SLC13A2: variants seen among roughly 807,000 people sequenced by gnomAD.
The protein encoded by SLC13A2 is Na(+)-coupled citrate transporter.
In SLC13A2, 40 loss-of-function variants were observed where a neutral mutation model predicts 58.5. That is an observed-to-expected ratio of 0.68 (90% confidence interval 0.53 to 0.89). The LOEUF (loss-of-function observed/expected upper bound fraction) is 0.89, where lower values mean the gene tolerates loss of function less well. SLC13A2 is among the 40% of genes least tolerant of loss of function. SLC13A2 has a pLI of 0.00. For synonymous variants in SLC13A2, 341 were observed against 331.6 expected (o/e 1.03, Z -0.31); for missense variants, 694 against 772.6 (o/e 0.90, Z 1.21).
chr17:28,491,428 TG>T lies in SLC13A2; in HGVS notation c.575-8del. The T allele has an allele frequency of 6.2e-7, 1 of 1,613,194 alleles. No individual in the cohort carries two copies. The highest frequency in any genetic ancestry group is 8.5e-7 in the Non-Finnish European group (1 of 1,179,872). ...ACCTGCCCCCACCTGGGCTCTCCCTTGTTCCCAGATAATGGGCAGGCCCTCC... is the reference window on the plus strand; with the variant it reads ...ACCTGCCCCCACCTGGGCTCTCCCTTTTCCCAGATAATGGGCAGGCCCTCC... On this transcript the variant is annotated splice_region_variant and splice_polypyrimidine_tract_variant and intron_variant, in intron 4 of 11. Coordinates refer to ENST00000314669, the MANE Select transcript of SLC13A2 (RefSeq NM_003984.4).
rs991721316 is a variant in SLC13A2 at position 28,496,258 on chromosome 17, C to T, written c.1471-192C>T. Among the ~76,000 whole-genome samples, 1 of 152,204 alleles carries T rather than the reference C, an allele frequency of 6.6e-6. No homozygotes were observed. Among genetic ancestry groups the T allele is most frequent in the African/African-American group, 2.4e-5 (1 of 41,442 alleles). ...ACCCCACAAGGCAGGGCAGCACACT[C>T]ATTCCCTCCAGAGAGGTCAAGAGGC... On this transcript the variant is annotated intron_variant, in intron 10 of 11. Transcript: ENST00000314669. The surrounding 1 kb of genome is among the most constrained non-coding windows in gnomAD (Gnocchi z 4.2).
intron 1 of SLC13A2, among the ~76,000 whole-genome samples, chr17:28,474,098 G>A (rs1291545809): frequency 6.6e-6 from 1 of 152,146 alleles, no homozygotes; most frequent in African/African-American, 2.4e-5. Flanking sequence ...TGCAAGGGGG[G>A]CAGATGGAGC....
chr17:28,494,490 A>G lies in SLC13A2; in HGVS notation c.1286A>G (p.Tyr429Cys), dbSNP rs1468996455. The change falls in exon 9 of 12, where the codon TAT (tyrosine) becomes TGT (cysteine). Residue 429 changes from tyrosine (Y) to cysteine (C), a missense_variant. By Grantham distance (194) the Tyr-to-Cys change is radical. Coordinates refer to ENST00000314669, the MANE Select transcript of SLC13A2 (RefSeq NM_003984.4). This position sits in a 1 kb window ranked among gnomAD's most constrained non-coding sequence, Gnocchi z 4.0. ...ATCGTGTTATTGCTGGGTGGTGGCTATGCCCTGGCCAAGGGCAGTGAGGTG... is the reference window on the plus strand; with the variant it reads ...ATCGTGTTATTGCTGGGTGGTGGCTGTGCCCTGGCCAAGGGCAGTGAGGTG... ...WNIVLLLGGGYALAKGSERSG... is the reference protein window; with the variant it reads ...WNIVLLLGGGCALAKGSERSG... 7.4e-6 allele frequency: 12 copies of G among 1,613,800 alleles called. No homozygotes were observed. The highest frequency in any genetic ancestry group is 8.5e-6 in the Non-Finnish European group (10 of 1,179,926).
intron 2 of SLC13A2, among the ~76,000 whole-genome samples, chr17:28,490,078 A>G (rs2068972699): frequency 6.6e-6 from 1 of 152,216 alleles, no homozygotes; most frequent in African/African-American, 2.4e-5. Flanking sequence ...GTTCGAGACC[A>G]GCCTGGCCAG....
chr17:28,473,804 TC>T lies in SLC13A2; in HGVS notation c.96del (p.Ser33ValfsTer32). On this transcript the variant is annotated frameshift_variant, in exon 1 of 12. Coordinates refer to ENST00000314669, the MANE Select transcript of SLC13A2 (RefSeq NM_003984.4). LOFTEE classifies it high-confidence loss of function. ...PILLLPLPIL[V>X]PSKEAYCAYA... ...CTCCTGCTGCCTCTGCCCATCCTCG[TC>T]CCCAGTAAGGTAAGGACTTGGTGTT... The T allele has an allele frequency of 2.5e-6, 4 of 1,613,960 alleles. No individual in the cohort carries two copies. Among genetic ancestry groups the T allele is most frequent in the Non-Finnish European group, 2.5e-6 (3 of 1,179,934 alleles).
At chr17:28,493,178 G>T (rs1402744021) in intron 6 of SLC13A2, among the ~76,000 whole-genome samples, 2 of 152,162 alleles carry the variant, frequency 1.3e-5, no homozygotes, top group African/African-American at 4.8e-5. Context: ...TGGGGCTCAG[G>T]CTGGCAGGGG....
intron 1 of SLC13A2, among the ~76,000 whole-genome samples, chr17:28,484,267 A>G (rs2068838011): frequency 2.0e-5 from 3 of 152,296 alleles, no homozygotes; most frequent in East Asian, 3.9e-4. Context: ...AGTGTGAAAA[A>G]TGGGAACTAT....
chr17:28,473,879 G>A (rs782037560), intron 1 of SLC13A2, 65 bp downstream of exon 1: 145 of 1,412,524 alleles, frequency 1.0e-4, no homozygotes, highest in Middle Eastern at 3.5e-4. Flanking sequence ...TCTGGGCCGG[G>A]GTTGGGCATC....
rs782079090 is a variant in SLC13A2 at position 28,494,501 on chromosome 17, A to G, written c.1297A>G (p.Lys433Glu). The change falls in exon 9 of 12, where the codon AAG (lysine) becomes GAG (glutamate). Residue 433 changes from lysine to glutamate, a missense_variant. Lys to Glu is a moderately conservative substitution (Grantham distance 56). Transcript: ENST00000314669. The surrounding 1 kb of genome is among the most constrained non-coding windows in gnomAD (Gnocchi z 4.0). ...LLLGGGYALA[K>E]GSERSGLSEW... Reference sequence around the variant, plus strand: ...GCTGGGTGGTGGCTATGCCCTGGCCAAGGGCAGTGAGGTGAGAGGCCCCCA... The same window carrying G: ...GCTGGGTGGTGGCTATGCCCTGGCCGAGGGCAGTGAGGTGAGAGGCCCCCA... The G allele has an allele frequency of 1.2e-6, 2 of 1,613,826 alleles. No individual in the cohort carries two copies. Among genetic ancestry groups the G allele is most frequent in the Admixed American group, 1.7e-5 (1 of 59,988 alleles).
intron 1 of SLC13A2, among the ~76,000 whole-genome samples, chr17:28,480,173 G>C (rs372197072): frequency 6.7e-6 from 1 of 150,206 alleles, no homozygotes; most frequent in Non-Finnish European, 1.5e-5. Context: ...AAAAAGGGGG[G>C]GTCAAAAAAA....
chr17:28,489,462 C>A, intron 2 of SLC13A2, 120 bp downstream of exon 2: 1 of 1,203,604 alleles, frequency 8.3e-7, no homozygotes. Context: ...ATTAGGGGTT[C>A]CTGACTCTGC....
At chr17:28,489,842 C>T (rs1597883737) in intron 2 of SLC13A2, among the ~76,000 whole-genome samples, 1 of 152,228 alleles carries the variant, frequency 6.6e-6, no homozygotes, top group Non-Finnish European at 1.5e-5. Flanking sequence ...TTTTTAGAAA[C>T]CGCACTAAAG....
chr17:28,490,398 G>C, intron 2 of SLC13A2, 56 bp from the exon 3 acceptor site: 1 of 1,614,046 alleles, frequency 6.2e-7, no homozygotes, highest in Non-Finnish European at 8.5e-7. Context: ...AACCTCGGGG[G>C]CACCGTGGGA....
chr17:28,484,949 G>A (rs555310470), intron 1 of SLC13A2, among the ~76,000 whole-genome samples: 30 of 152,252 alleles, frequency 2.0e-4, no homozygotes, highest in Non-Finnish European at 3.2e-4. Context: ...CTTGGGGGTG[G>A]GGGTGACACC....
intron 1 of SLC13A2, among the ~76,000 whole-genome samples, chr17:28,475,818 C>G (rs2068661173): frequency 1.3e-5 from 2 of 152,154 alleles, no homozygotes; most frequent in Admixed American, 6.5e-5. Flanking sequence ...CTCTGAGGTT[C>G]CTTCTCCATC....
rs909827948 is a variant in SLC13A2, at chr17:28,494,978, G to A, written c.1308+466G>A. Among the ~76,000 whole-genome samples, 1 of 152,098 alleles carries A rather than the reference G, an allele frequency of 6.6e-6. No individual in the cohort carries two copies. Among genetic ancestry groups the A allele is most frequent in the Non-Finnish European group, 1.5e-5 (1 of 68,018 alleles). On this transcript the variant is annotated intron_variant, in intron 9 of 11. Coordinates refer to ENST00000314669, the MANE Select transcript of SLC13A2 (RefSeq NM_003984.4). The surrounding 1 kb of genome is among the most constrained non-coding windows in gnomAD (Gnocchi z 4.0). ...TCCAAAAGAGGGAAATCCCTGACACGGCATCCCTGGGCCTCCGTGTTCTGG... is the reference window on the plus strand; with the variant it reads ...TCCAAAAGAGGGAAATCCCTGACACAGCATCCCTGGGCCTCCGTGTTCTGG...
In SLC13A2 at chr17:28,491,441, T is replaced by G; in HGVS notation, c.579T>G (p.Asn193Lys). The G allele has an allele frequency of 6.2e-7, 1 of 1,613,428 alleles. No individual in the cohort carries two copies. Among genetic ancestry groups the G allele is most frequent in the Non-Finnish European group, 8.5e-7 (1 of 1,179,942 alleles). ...SPQKEVTKLD[N>K]GQALPVTSAS... ...TGGGCTCTCCCTTGTTCCCAGATAA[T>G]GGGCAGGCCCTCCCTGTCACGTCTG... The change falls in exon 5 of 12, where the codon AAT becomes AAG. Residue 193 changes from asparagine to lysine, a missense_variant. By Grantham distance (94) the Asn-to-Lys change is moderately conservative. Transcript: ENST00000314669.
chr17:28,492,179 C>T (rs1301808298), intron 6 of SLC13A2, among the ~76,000 whole-genome samples: 1 of 152,130 alleles, frequency 6.6e-6, no homozygotes, highest in Non-Finnish European at 1.5e-5. Flanking sequence ...ACACACTGAG[C>T]ATGGTTAGTT....
At position 28,490,757 on chromosome 17, in the gene SLC13A2, C is replaced by T. The variant is rs375817516; in HGVS notation, c.425C>T (p.Thr142Met). 13 of 1,614,050 alleles carry T rather than the reference C, an allele frequency of 8.1e-6. No homozygotes were observed. The highest frequency in any genetic ancestry group is 1.7e-5 in the Admixed American group (1 of 60,000). The change falls in exon 4 of 12, where the codon ACG (threonine) becomes ATG (methionine). Residue 142 changes from threonine (T) to methionine (M), a missense_variant. Coordinates refer to ENST00000314669, the MANE Select transcript of SLC13A2 (RefSeq NM_003984.4). ...TAFLSMWISN[T>M]ATSAMMVPIA... Reference sequence around the variant, plus strand: ...TTCCTGTCCATGTGGATCAGCAACACGGCCACCTCAGCCATGATGGTGCCC... The same window carrying T: ...TTCCTGTCCATGTGGATCAGCAACATGGCCACCTCAGCCATGATGGTGCCC...
Sources: gnomAD v4.1 joint callset for allele counts (sites outside exome capture counted in the v4.1 genomes callset) on GRCh38, gnomAD v4.1.1 for gene constraint, Gnocchi (gnomAD v3.1) non-coding constraint, MANE v1.5 for transcripts, NCBI Gene and HGNC (gene_info 2026-07-23, HGNC 2026-07-21) for gene names.